The following FGF13 variants were observed in gnomAD, a reference collection of about 807,000 sequenced individuals.
The protein encoded by FGF13 is fibroblast growth factor 13, also known as fibroblast growth factor homologous factor 2.
In FGF13, 2 loss-of-function variants were observed where a neutral mutation model predicts 19.5. That is an observed-to-expected ratio of 0.10 (90% CI 0.04 to 0.32). The LOEUF is 0.32. Among genes scored for constraint, FGF13 ranks in the 10% least tolerant of loss-of-function variants. FGF13 has a pLI of 1.00. For missense variants in FGF13, 113 were observed against 192.7 expected (o/e 0.59, Z 2.45); for synonymous variants, 72 against 76.9 (o/e 0.94, Z 0.33).
intron 3 of FGF13, among the ~76,000 whole-genome samples, chrX:138,688,259 G>A (rs756740429): frequency 1.8e-5 from 2 of 110,189 alleles, no homozygotes; most frequent in Non-Finnish European, 3.8e-5. Flanking sequence ...CACCTCGCCC[G>A]GCCCCAAAAA....
At chrX:138,702,141 G>A (rs1251116023) in intron 3 of FGF13, among the ~76,000 whole-genome samples, 1 of 109,792 alleles carries the variant, frequency 9.1e-6, no homozygotes. Context: ...GTGTCACCAC[G>A]GCACTCCAGC....
chrX:139,131,625 TA>T (rs1481295334), intron 1 of FGF13, among the ~76,000 whole-genome samples: 1 of 111,002 alleles, frequency 9.0e-6, no homozygotes, highest in Non-Finnish European at 1.9e-5. Flanking sequence ...TATTCCCAGC[TA>T]CTCAGGAGGC....
At chrX:139,100,041 A>ACACACAC (rs2083498116) in intron 1 of FGF13, among the ~76,000 whole-genome samples, 2 of 76,425 alleles carry the variant, frequency 2.6e-5, no homozygotes, top group African/African-American at 5.1e-5. Context: ...GGGGAAAGCA[A>ACACACAC]ACACACACAC....
chrX:139,072,491 G>A (rs1049548299), intron 1 of FGF13, among the ~76,000 whole-genome samples: 5 of 111,672 alleles, frequency 4.5e-5, no homozygotes, highest in African/African-American at 1.6e-4. Context: ...GACAGCCTTA[G>A]AAGACTAATA....
intron 1 of FGF13, among the ~76,000 whole-genome samples, chrX:138,729,779 A>G (rs1425443503): frequency 9.0e-6 from 1 of 111,446 alleles, no homozygotes; most frequent in Non-Finnish European, 1.9e-5. Flanking sequence ...AAAATCTTGG[A>G]AGCTGGCAGA....
At chrX:138,891,341 A>G (rs2091476020) in intron 1 of FGF13, among the ~76,000 whole-genome samples, 1 of 111,628 alleles carries the variant, frequency 9.0e-6, no homozygotes, top group Admixed American at 9.5e-5. Context: ...ATCCAAAGTC[A>G]GGGTGTCAGC....
intron 3 of FGF13, among the ~76,000 whole-genome samples, chrX:138,801,738 G>A (rs1048055768): frequency 2.7e-5 from 3 of 112,269 alleles, no homozygotes; most frequent in African/African-American, 9.7e-5. Context: ...TTATCTATAA[G>A]CCCCTGACTG....
Position 138,633,002 on chromosome X carries a change from A to G in FGF13, c.602-16T>C. 1 of 1,200,881 alleles carries G rather than the reference A, an allele frequency of 8.3e-7. No individual in the cohort carries two copies. The highest frequency in any genetic ancestry group is 1.1e-6 in the Non-Finnish European group (1 of 888,176). On this transcript the variant is annotated splice_polypyrimidine_tract_variant and intron_variant, in intron 4 of 4. Coordinates refer to ENST00000315930, the MANE Select transcript of FGF13 (RefSeq NM_004114.5). ...TACATGGCCACTGAAAAGCACACAA[A>G]GATGGTGTAAAAGGCCTTCAAATGG...
intron 1 of FGF13, among the ~76,000 whole-genome samples, chrX:138,984,523 G>GAACAAGAA (rs2091979498): frequency 0.028 from 887 of 31,561 alleles, 265 homozygotes; most frequent in Middle Eastern, 0.11. Flanking sequence ...AAGAAGAAGA[G>GAACAAGAA]GAAGAAGAAG....
intron 1 of FGF13, among the ~76,000 whole-genome samples, chrX:139,172,722 A>C (rs1360368636): frequency 2.7e-5 from 3 of 111,997 alleles, no homozygotes; most frequent in Admixed American, 9.5e-5. Flanking sequence ...TTCATGTTCC[A>C]ACAGTCAGAA....
At chrX:138,941,906 C>T (rs961838367) in intron 1 of FGF13, among the ~76,000 whole-genome samples, 3 of 112,213 alleles carry the variant, frequency 2.7e-5, no homozygotes, top group Non-Finnish European at 3.8e-5. Flanking sequence ...TGGAAGAGCA[C>T]CAGATAGAGC....
intron 3 of FGF13, among the ~76,000 whole-genome samples, chrX:138,804,897 C>T (rs2090854892): frequency 8.9e-6 from 1 of 111,775 alleles, no homozygotes; most frequent in African/African-American, 3.2e-5. Flanking sequence ...CTTATAACTT[C>T]ATTTCAGAAT....
At chrX:138,655,473 A>G (rs2089427156) in intron 3 of FGF13, among the ~76,000 whole-genome samples, 1 of 112,052 alleles carries the variant, frequency 8.9e-6, no homozygotes, top group East Asian at 2.8e-4. Flanking sequence ...ACATTTATTC[A>G]GAATCTTGCT....
At chrX:138,985,804 A>G (rs2091992577) in intron 1 of FGF13, among the ~76,000 whole-genome samples, 1 of 112,453 alleles carries the variant, frequency 8.9e-6, no homozygotes, top group Non-Finnish European at 1.9e-5. Context: ...AATGCCTAGC[A>G]TTGGAATAAT....
At chrX:138,973,271 T>C (rs1424076745) in intron 1 of FGF13, among the ~76,000 whole-genome samples, 1 of 112,370 alleles carries the variant, frequency 8.9e-6, no homozygotes, top group African/African-American at 3.2e-5. Context: ...TGTTCAGGAA[T>C]ATGTTGTTTA....
chrX:138,985,090 C>G, intron 1 of FGF13: 3 of 367,235 alleles, frequency 8.2e-6, no homozygotes, highest in South Asian at 5.0e-5. Flanking sequence ...CTCATGACAC[C>G]TCTGTGAAGT....
chrX:139,151,935 TG>T (rs1443531855), intron 1 of FGF13, among the ~76,000 whole-genome samples: 90 of 111,959 alleles, frequency 8.0e-4, no homozygotes, highest in African/African-American at 2.9e-3. Flanking sequence ...AGTATATCTC[TG>T]GTATTAAAAT....
At chrX:138,901,521 G>A in intron 1 of FGF13, among the ~76,000 whole-genome samples, 1 of 111,723 alleles carries the variant, frequency 9.0e-6, no homozygotes, top group South Asian at 3.8e-4. Flanking sequence ...CACTTGACAG[G>A]AGCTATTGAT....
At chrX:138,796,820 G>GT (rs1320495056) in intron 3 of FGF13, among the ~76,000 whole-genome samples, 1 of 112,010 alleles carries the variant, frequency 8.9e-6, no homozygotes, top group Non-Finnish European at 1.9e-5. Flanking sequence ...GTGATGATGA[G>GT]TTTTTTTCAT....
Sources: gnomAD v4.1 joint callset for allele counts (sites outside exome capture counted in the v4.1 genomes callset) on GRCh38, gnomAD v4.1.1 for gene constraint, MANE v1.5 for transcripts, NCBI Gene and HGNC (gene_info 2026-07-23, HGNC 2026-07-21) for gene names.